The following PCDH15 variants were observed in gnomAD, a reference collection of about 807,000 sequenced individuals.
PCDH15 encodes protocadherin related 15, also known as protocadherin-15.
A neutral mutation model predicts 178.5 loss-of-function variants in PCDH15; 129 were observed. That is an observed-to-expected ratio of 0.72 (90% CI 0.63 to 0.84). The LOEUF (loss-of-function observed/expected upper bound fraction) is 0.84. Ranked by LOEUF, PCDH15 falls within the 40% of genes least tolerant of loss-of-function variation. The pLI, the probability that PCDH15 is intolerant of heterozygous loss-of-function variation, is 0.00. For missense variants in PCDH15, 2,230 were observed against 2,099.9 expected (o/e 1.06, Z -1.21); for synonymous variants, 800 against 732.0 (o/e 1.09, Z -1.50).
intron 13 of PCDH15, among the ~76,000 whole-genome samples, chr10:54,162,960 G>C (rs1429973075): frequency 1.3e-5 from 2 of 149,098 alleles, no homozygotes; most frequent in African/African-American, 4.9e-5. Flanking sequence ...GTGTTTAAGT[G>C]TGGGATGAAA....
intron 3 of PCDH15, among the ~76,000 whole-genome samples, chr10:54,478,016 T>C (rs1035901617): frequency 2.0e-5 from 3 of 152,188 alleles, no homozygotes; most frequent in Admixed American, 6.6e-5. Context: ...TTTAAATGTT[T>C]ATATATTTAT....
intron 8 of PCDH15, among the ~76,000 whole-genome samples, chr10:54,250,219 A>C (rs1261762079): frequency 6.7e-6 from 1 of 149,794 alleles, no homozygotes; most frequent in Non-Finnish European, 1.5e-5. Flanking sequence ...ATAAAATGTA[A>C]TCTCATTGCA....
At chr10:54,248,159 A>G (rs1301651888) in intron 8 of PCDH15, among the ~76,000 whole-genome samples, 2 of 151,784 alleles carry the variant, frequency 1.3e-5, no homozygotes, top group South Asian at 2.1e-4. Flanking sequence ...AAAATAGGAC[A>G]GTGATATGAA....
chr10:55,167,224 C>T (rs1396157379), intron 1 of PCDH15, among the ~76,000 whole-genome samples: 3 of 152,106 alleles, frequency 2.0e-5, no homozygotes, highest in Non-Finnish European at 2.9e-5. Context: ...AGCTATTCTC[C>T]CACCTCAGCC....
intron 18 of PCDH15, among the ~76,000 whole-genome samples, chr10:54,031,988 G>T (rs2093307309): frequency 6.6e-6 from 1 of 151,898 alleles, no homozygotes; most frequent in Non-Finnish European, 1.5e-5. Context: ...TAATTATGCA[G>T]TATAGGTTGA....
At chr10:53,952,734 G>A (rs933810917) in intron 23 of PCDH15, among the ~76,000 whole-genome samples, 2 of 152,188 alleles carry the variant, frequency 1.3e-5, no homozygotes, top group Non-Finnish European at 2.9e-5. Flanking sequence ...AGAGGTTCCT[G>A]CAGGCCCGCT....
At chr10:54,093,916 G>A (rs909280609) in intron 15 of PCDH15, among the ~76,000 whole-genome samples, 5 of 152,036 alleles carry the variant, frequency 3.3e-5, no homozygotes, top group African/African-American at 1.2e-4. Context: ...GATATAAATT[G>A]CTTCTTTTTA....
chr10:55,365,128 T>C (rs368449911), intron 2 of PCDH15, among the ~76,000 whole-genome samples: 3 of 152,142 alleles, frequency 2.0e-5, no homozygotes, highest in African/African-American at 7.2e-5. Flanking sequence ...TGATTTTCTT[T>C]TTCCTTGAAA....
At chr10:55,599,935 A>G in intron 2 of PCDH15, 1 of 1,526,854 alleles carries the variant, frequency 6.5e-7, no homozygotes, top group East Asian at 2.5e-5. Flanking sequence ...TCTTACTTTC[A>G]ACCAGTGAAA....
At position 54,408,092 on chromosome 10, in the gene PCDH15, A is replaced by G. The variant is rs1333835618; in HGVS notation, c.158-29150T>C. Among the ~76,000 whole-genome samples the G allele has an allele frequency of 2.0e-5, 3 of 151,126 alleles. No individual in the cohort carries two copies. The East Asian group carries it at 5.8e-4, about 29-fold the overall frequency. Reference sequence around the variant, plus strand: ...AAAAGGAAAAGGAAGCAAAGAAAATAGAAAAGTTACTTCCTCTAAGGTAAC... The same window carrying G: ...AAAAGGAAAAGGAAGCAAAGAAAATGGAAAAGTTACTTCCTCTAAGGTAAC... On this transcript the variant is annotated intron_variant, in intron 3 of 37. Coordinates refer to ENST00000644397, the MANE Select transcript of PCDH15 (RefSeq NM_001384140.1).
At chr10:54,862,922 A>G (rs879319887) in intron 3 of PCDH15, among the ~76,000 whole-genome samples, 5 of 152,282 alleles carry the variant, frequency 3.3e-5, no homozygotes, top group Non-Finnish European at 7.4e-5. Flanking sequence ...TAGTAACACA[A>G]AATTAACAGA....
chr10:54,848,296 TC>T (rs1953548688), intron 3 of PCDH15, among the ~76,000 whole-genome samples: 1 of 145,182 alleles, frequency 6.9e-6, no homozygotes, highest in African/African-American at 2.6e-5. Context: ...GGCAGGAGAA[TC>T]CTTGAACCTG....
chr10:54,804,948 T>TATATAC (rs905516559), upstream of PCDH15, among the ~76,000 whole-genome samples: 37 of 127,128 alleles, frequency 2.9e-4, no homozygotes, highest in East Asian at 1.0e-3. Flanking sequence ...TATATATATA[T>TATATAC]ACAGAGTTTG....
At chr10:54,268,660 A>C (rs1420652630) in intron 8 of PCDH15, among the ~76,000 whole-genome samples, 2 of 151,936 alleles carry the variant, frequency 1.3e-5, no homozygotes, top group African/African-American at 4.8e-5. Flanking sequence ...GCTGGGACAC[A>C]AGAAAAATCT....
At chr10:55,498,032 T>C (rs1201127877) in intron 2 of PCDH15, among the ~76,000 whole-genome samples, 1 of 151,882 alleles carries the variant, frequency 6.6e-6, no homozygotes, top group African/African-American at 2.4e-5. Flanking sequence ...TTCATTAATG[T>C]TTATGCTTTT....
intron 1 of PCDH15, among the ~76,000 whole-genome samples, chr10:54,753,781 C>A (rs763859782): frequency 3.3e-5 from 5 of 151,810 alleles, no homozygotes; most frequent in Non-Finnish European, 7.4e-5. Flanking sequence ...AAGGTGACCT[C>A]GGCACCAGGG....
intron 8 of PCDH15, among the ~76,000 whole-genome samples, chr10:54,291,517 A>G (rs1440539005): frequency 6.6e-6 from 1 of 152,192 alleles, no homozygotes; most frequent in Non-Finnish European, 1.5e-5. Context: ...CCCTCCAAAA[A>G]TCAGTGAATC....
At chr10:53,840,179 A>G (rs1589035541) in intron 29 of PCDH15, 141 bp downstream of exon 29, 2 of 1,004,732 alleles carry the variant, frequency 2.0e-6, no homozygotes, top group South Asian at 1.4e-5. Flanking sequence ...AATCCTAGGT[A>G]TTTCAGGTTC....
chr10:55,065,153 T>C (rs976161764), intron 2 of PCDH15, among the ~76,000 whole-genome samples: 5 of 152,046 alleles, frequency 3.3e-5, no homozygotes, highest in Non-Finnish European at 7.4e-5. Context: ...GTCACTCCCC[T>C]GATTTCTTGC....
Sources: allele counts gnomAD v4.1 joint callset (sites outside exome capture counted in the v4.1 genomes callset), GRCh38; gene constraint gnomAD v4.1.1; transcripts MANE v1.5; gene names NCBI Gene and HGNC (gene_info 2026-07-23, HGNC 2026-07-21).